ITIH5: variants seen among roughly 807,000 people sequenced by gnomAD.
ITIH5 encodes inter-alpha-trypsin inhibitor heavy chain 5, also known as inter-alpha-trypsin inhibitor heavy chain H5.
In ITIH5, 65 loss-of-function variants were observed where a neutral mutation model predicts 77.5. The ratio of observed to expected loss-of-function variants is 0.84; its 90% CI spans 0.69 to 1.03. ITIH5 has a LOEUF of 1.03. Ranked by LOEUF, ITIH5 falls within the 50% of genes least tolerant of loss-of-function variation. ITIH5 has a pLI of 0.00. For missense variants in ITIH5, 1,208 were observed against 1,213.1 expected, an observed-to-expected ratio of 1.00 and a Z score of 0.06; for synonymous variants, 525 against 494.3, an observed-to-expected ratio of 1.06 and a Z score of -0.82.
intron 5 of ITIH5, among the ~76,000 whole-genome samples, chr10:7,631,805 T>A (rs1003285946): frequency 3.3e-5 from 5 of 151,178 alleles, no homozygotes; most frequent in African/African-American, 7.3e-5. Flanking sequence ...TTTTTTTTTT[T>A]AAACCAAATC....
chr10:7,563,293 CT>C lies in ITIH5; in HGVS notation c.2618del (p.Glu873GlyfsTer7), dbSNP rs1351903534. 1.2e-5 allele frequency: 20 copies of C among 1,614,122 alleles called. No homozygotes were observed. Among genetic ancestry groups the C allele is most frequent in the Non-Finnish European group, 1.7e-5 (20 of 1,180,052 alleles). On this transcript the variant is annotated frameshift_variant, in exon 14 of 14. Transcript: ENST00000397146. LOFTEE classifies it low-confidence loss of function (END_TRUNC). ...TCACTGTTAGGACGGCCTCAGGCCC[CT>C]CTCCCACCTGAAGGAGCAGAGGGTG... ...LTHPLLLQVG[E>X]GPEAVLTVKG...
In ITIH5 at chr10:7,566,306, G is replaced by C; in HGVS notation, c.2251C>G (p.Pro751Ala). The change falls in exon 13 of 14, where the codon CCA (proline) becomes GCA (alanine). Residue 751 changes from proline (P) to alanine (A), a missense_variant. Pro to Ala is a conservative substitution (Grantham distance 27). Transcript: ENST00000397146. ...LRTITILINK[P>A]ERSYLEITPS... ...GTGATCTCGAGATAAGATCTCTCTG[G>C]CTTGTTGATGAGGATGGTGATAGTG... is the stretch of plus-strand genomic sequence containing the variant. The C allele has an allele frequency of 6.2e-7, 1 of 1,613,746 alleles. No homozygotes were observed. Among genetic ancestry groups the C allele is most frequent in the South Asian group, 1.1e-5 (1 of 90,986 alleles).
At chr10:7,642,240 T>G (rs1833902405) in intron 2 of ITIH5, 150 bp from the exon 3 acceptor site, 1 of 623,404 alleles carries the variant, frequency 1.6e-6, no homozygotes, top group Non-Finnish European at 2.7e-6. Context: ...CTTCTTTTCC[T>G]GATTTCCCCA....
At chr10:7,596,532 G>C (rs1227176380) in intron 7 of ITIH5, among the ~76,000 whole-genome samples, 2 of 152,084 alleles carry the variant, frequency 1.3e-5, no homozygotes, top group Non-Finnish European at 2.9e-5. Flanking sequence ...ATAAGACAAG[G>C]AGAACCCATG....
chr10:7,637,398 T>G lies in ITIH5; in HGVS notation c.482A>C (p.Glu161Ala). The change falls in exon 5 of 14, where the codon GAG (glutamate) becomes GCG (alanine). Residue 161 changes from glutamate to alanine, a missense_variant. By Grantham distance (107) the Glu-to-Ala change is moderately radical (BLOSUM62 -1). Coordinates refer to ENST00000397146, the MANE Select transcript of ITIH5 (RefSeq NM_030569.7). Reference protein sequence around the residue: ...DKAAFFLSYEELLQRRLGKYE... With the variant: ...DKAAFFLSYEALLQRRLGKYE... ...CTTGCCCAGGCGCCTCTGCAGAAGC[T>G]CCTCATAACTCAGGAAAAAGGCGGC... 1.2e-6 allele frequency: 2 copies of G among 1,614,032 alleles called. No homozygotes were observed. Among genetic ancestry groups the G allele is most frequent in the South Asian group, 1.1e-5 (1 of 91,070 alleles).
At chr10:7,622,754 T>C (rs758126883) in intron 5 of ITIH5, among the ~76,000 whole-genome samples, 1 of 152,206 alleles carries the variant, frequency 6.6e-6, no homozygotes, top group South Asian at 2.1e-4. Flanking sequence ...ATGAAGTCAG[T>C]AGCTGTCTGA....
intron 7 of ITIH5, among the ~76,000 whole-genome samples, chr10:7,607,839 C>T (rs1242982797): frequency 6.6e-6 from 1 of 152,198 alleles, no homozygotes; most frequent in East Asian, 1.9e-4. Context: ...AAAATCTTGT[C>T]TGCAAAACTT....
chr10:7,629,342 T>C (rs1333157388), intron 5 of ITIH5, among the ~76,000 whole-genome samples: 1 of 133,596 alleles, frequency 7.5e-6, no homozygotes. Context: ...CGTGTGCCCA[T>C]GTTGTAGCGT....
At chr10:7,586,845 T>C (rs1245736010) in intron 7 of ITIH5, among the ~76,000 whole-genome samples, 2 of 151,820 alleles carry the variant, frequency 1.3e-5, no homozygotes, top group East Asian at 3.9e-4. Flanking sequence ...CTTATTTTTT[T>C]TTTCATACAA....
intron 8 of ITIH5, 61 bp from the exon 9 acceptor site, chr10:7,580,125 A>G (rs938637882): frequency 7.1e-7 from 1 of 1,399,524 alleles, no homozygotes; most frequent in South Asian, 1.3e-5. Flanking sequence ...CTCTGATTGC[A>G]CTTTCTTTTT....
intron 13 of ITIH5, among the ~76,000 whole-genome samples, chr10:7,564,839 A>G (rs980630764): frequency 2.6e-5 from 4 of 151,266 alleles, no homozygotes; most frequent in Non-Finnish European, 5.9e-5. Context: ...GACTGTATAC[A>G]TACATACATA....
In ITIH5 at chr10:7,563,107, G is replaced by A. The variant is rs1588351386; in HGVS notation, c.2805C>T (p.Gly935=). Residue 935 remains glycine (G), a synonymous_variant, in exon 14 of 14, where the codon GGC becomes GGT. Transcript: ENST00000397146. ...SHPFDTGMTL[G]RGMSREL is the part of the protein sequence containing the mutation. The stretch of plus-strand genomic sequence containing the variant: ...TTCAGAGCTCCCTGGACATTCCCCG[G>A]CCAAGTGTCATCCCTGTGTCAAATG... 2.5e-6 allele frequency: 4 copies of A among 1,610,202 alleles called. No homozygotes were observed. The African/African-American group carries it at 4.2e-5, about 17-fold the overall frequency.
In ITIH5 at chr10:7,586,009, T is replaced by A. The variant is rs757337225; in HGVS notation, c.1000A>T (p.Ile334Phe). The A allele has an allele frequency of 1.9e-6, 3 of 1,614,086 alleles. No homozygotes were observed. The highest frequency in any genetic ancestry group is 2.5e-6 in the Non-Finnish European group (3 of 1,180,016). ...DLRPQDRFSI[I>F]GFSNRIKVWK... ...ACTTTGATCCGGTTGGAAAATCCAA[T>A]GATACTGAAACGGTCCTGGGGTCGG... is the stretch of plus-strand genomic sequence containing the variant. The change falls in exon 8 of 14, where the codon ATT (isoleucine) becomes TTT (phenylalanine). Residue 334 changes from isoleucine to phenylalanine, a missense_variant. Transcript: ENST00000397146.
At chr10:7,594,157 A>G (rs765338860) in intron 7 of ITIH5, among the ~76,000 whole-genome samples, 5 of 152,224 alleles carry the variant, frequency 3.3e-5, no homozygotes, top group Non-Finnish European at 5.9e-5. Context: ...GTGTCCTCTG[A>G]GCCTGTCCAG....
chr10:7,576,737 T>A lies in ITIH5; in HGVS notation c.1694A>T (p.Asp565Val), dbSNP rs1170113097. ...GATGTGGTTGGTGTCCCCCTCTCCA[T>A]CGCCTCCAGGCCTGGGGCTTCCTGT... ...DVTGSPRPGG[D>V]GEGDTNHIER... Residue 565 changes from aspartate to valine, a missense_variant, in exon 10 of 14, where the codon GAT (aspartate) becomes GTT (valine). Coordinates refer to ENST00000397146, the MANE Select transcript of ITIH5 (RefSeq NM_030569.7). 6.2e-7 allele frequency: 1 copy of A among 1,613,716 alleles called. No homozygotes were observed. The highest frequency in any genetic ancestry group is 8.5e-7 in the Non-Finnish European group (1 of 1,179,964).
intron 7 of ITIH5, among the ~76,000 whole-genome samples, chr10:7,612,751 A>T (rs17142865): frequency 0.019 from 2,853 of 151,866 alleles, 91 homozygotes; most frequent in African/African-American, 0.067. Flanking sequence ...AACCCAGCCC[A>T]TGGTACCCTC....
chr10:7,656,596 T>C (rs888313430), intron 1 of ITIH5, among the ~76,000 whole-genome samples: 3 of 152,194 alleles, frequency 2.0e-5, no homozygotes, highest in Non-Finnish European at 2.9e-5. Flanking sequence ...TAGCTGATTA[T>C]ATGGATGTTA....
In ITIH5 at chr10:7,666,792, G is replaced by C; in HGVS notation, c.90+11C>G. The C allele has an allele frequency of 6.2e-7, 1 of 1,600,366 alleles. No homozygotes were observed. On this transcript the variant is annotated intron_variant, in intron 1 of 13. Coordinates refer to ENST00000397146, the MANE Select transcript of ITIH5 (RefSeq NM_030569.7). The stretch of plus-strand genomic sequence containing the variant: ...CGCGCCCGGGACCCGGCTCCCCTCG[G>C]CTCCACTTACCTGCTCCGAAGAGTG...
rs758245316 is a variant in ITIH5 at position 7,576,712 on chromosome 10, G to A, written c.1719C>T (p.Ile573=). Residue 573 remains isoleucine (I), a synonymous_variant, in exon 10 of 14, where the codon ATC becomes ATT. Coordinates refer to ENST00000397146, the MANE Select transcript of ITIH5 (RefSeq NM_030569.7). ...TGGTGAGGTAGCTCCAGAGACGCTCGATGTGGTTGGTGTCCCCCTCTCCAT... is the reference window on the plus strand; with the variant it reads ...TGGTGAGGTAGCTCCAGAGACGCTCAATGTGGTTGGTGTCCCCCTCTCCAT... The part of the protein sequence containing the change: ...GGDGEGDTNH[I]ERLWSYLTTK... The A allele has an allele frequency of 6.8e-6, 11 of 1,614,056 alleles. No individual in the cohort carries two copies. The highest frequency in any genetic ancestry group is 5.0e-5 in the Admixed American group (3 of 60,012).
Sources: gnomAD v4.1 joint callset for allele counts (sites outside exome capture counted in the v4.1 genomes callset) on GRCh38, gnomAD v4.1.1 for gene constraint, MANE v1.5 for transcripts, NCBI Gene and HGNC (gene_info 2026-07-23, HGNC 2026-07-21) for gene names.